CCDC136: variants seen among roughly 807,000 people sequenced by gnomAD.
CCDC136 encodes coiled-coil domain containing 136.
CCDC136 carries 100 observed loss-of-function variants against 141.2 expected under a neutral mutation model. The observed-to-expected ratio is 0.71, with a 90% CI of 0.60 to 0.84. The LOEUF (loss-of-function observed/expected upper bound fraction) is 0.84, where lower values mean the gene tolerates loss of function less well. Among genes scored for constraint, CCDC136 ranks in the 40% least tolerant of loss-of-function variants. The pLI is 0.00. For missense variants in CCDC136, 1,206 were observed against 1,379.4 expected (o/e 0.87, Z 1.99); for synonymous variants, 474 against 531.9 (o/e 0.89, Z 1.50).
chr7:128,812,798 C>T lies in CCDC136; in HGVS notation c.2632C>T (p.Gln878Ter). Residue 878 changes from glutamine (Q) to a stop codon, truncating the protein, a stop_gained, in exon 14 of 18, where the codon CAA (glutamine) becomes TAA (stop). Coordinates refer to ENST00000297788, the MANE Select transcript of CCDC136 (RefSeq NM_022742.5). LOFTEE classifies it high-confidence loss of function. The stretch of plus-strand genomic sequence containing the variant: ...AAGCCAGGAGGAACACAGCCAGCTG[C>T]AAGAGCAGATGGAAAAGTTACTGGC... ...QISQEEHSQL[Q>*]EQMEKLLAKQ... 6.2e-7 allele frequency: 1 copy of T among 1,613,376 alleles called. No homozygotes were observed. The highest frequency in any genetic ancestry group is 8.5e-7 in the Non-Finnish European group (1 of 1,179,740).
At chr7:128,791,101 C>G (rs1042518889), upstream of CCDC136, 1 of 181,792 alleles carries the variant, frequency 5.5e-6, no homozygotes, top group Non-Finnish European at 1.1e-5. The surrounding 1 kb of genome is among the most constrained non-coding windows in gnomAD (Gnocchi z 7.1). Context: ...GCCCTGACAC[C>G]TGGTGCAGAA....
At chr7:128,809,380 G>C in intron 10 of CCDC136, 70 bp from the exon 11 acceptor site, 1 of 1,054,212 alleles carries the variant, frequency 9.5e-7, no homozygotes, top group Non-Finnish European at 1.4e-6. Context: ...GCGCAGAAGT[G>C]CTCTGTTAGC....
chr7:128,793,364 G>A (rs988368924), intron 1 of CCDC136, among the ~76,000 whole-genome samples: 1 of 152,164 alleles, frequency 6.6e-6, no homozygotes, highest in African/African-American at 2.4e-5. Flanking sequence ...AGTAGGAGGG[G>A]CCTCATATGG....
chr7:128,795,958 G>A (rs1277883771), intron 3 of CCDC136, among the ~76,000 whole-genome samples: 2 of 152,246 alleles, frequency 1.3e-5, no homozygotes, highest in East Asian at 3.9e-4. Context: ...ATGATACAGA[G>A]AGGAGGTGGG....
chr7:128,810,277 C>T lies in CCDC136; in HGVS notation c.1939C>T (p.Arg647Ter), dbSNP rs200892824. Residue 647 changes from arginine (R) to a stop codon, truncating the protein, a stop_gained, in exon 12 of 18, where the codon CGA becomes TGA. Transcript: ENST00000297788. LOFTEE classifies it high-confidence loss of function. ...KEQLEIHEELRRFKESHFQEV... is the reference protein window; with the variant it reads ...KEQLEIHEEL ...ACAATTAGAGATCCACGAAGAGCTG[C>T]GACGTTTCAAAGAGTCTCATTTCCA... 1.3e-5 allele frequency: 21 copies of T among 1,613,798 alleles called. No homozygotes were observed. The highest frequency in any genetic ancestry group is 2.2e-5 in the East Asian group (1 of 44,906).
In CCDC136 at chr7:128,801,331, T is replaced by C; in HGVS notation, c.492T>C (p.His164=). Residue 164 remains histidine, a synonymous_variant, in exon 4 of 18, where the codon CAT becomes CAC. Coordinates refer to ENST00000297788, the MANE Select transcript of CCDC136 (RefSeq NM_022742.5). ...RQAAEDSATE[H]ESDIASLQED... Reference sequence around the variant, plus strand: ...CAGCAGAGGATTCCGCAACTGAACATGAGAGTGACATAGCATCCCTGCAGG... The same window carrying C: ...CAGCAGAGGATTCCGCAACTGAACACGAGAGTGACATAGCATCCCTGCAGG... 1 of 1,613,770 alleles carries C rather than the reference T, an allele frequency of 6.2e-7. No homozygotes were observed. The highest frequency in any genetic ancestry group is 8.5e-7 in the Non-Finnish European group (1 of 1,179,842).
intron 17 of CCDC136, among the ~76,000 whole-genome samples, chr7:128,818,529 C>T (rs765052096): frequency 2.6e-5 from 4 of 152,158 alleles, no homozygotes; most frequent in Non-Finnish European, 5.9e-5. Flanking sequence ...AACAGAATGC[C>T]GGGAAATTTT....
rs1177785269 is a variant in CCDC136 at position 128,792,052 on chromosome 7, C to A, written c.-360C>A. The A allele has an allele frequency of 2.3e-6, 3 of 1,286,356 alleles. No individual in the cohort carries two copies. The highest frequency in any genetic ancestry group is 3.0e-6 in the Non-Finnish European group (3 of 1,015,854). The allele number at this position is 1,286,356 out of a possible 1,614,324, so 79.7% of individuals were successfully genotyped here. ...CAGTCTTGGCCCTCTCCTCCCTGTCCCCCCGGACTAAATACGCACACCCCC... is the reference window on the plus strand; with the variant it reads ...CAGTCTTGGCCCTCTCCTCCCTGTCACCCCGGACTAAATACGCACACCCCC... On this transcript the variant is annotated 5_prime_UTR_variant, in exon 1 of 18. Coordinates refer to ENST00000297788, the MANE Select transcript of CCDC136 (RefSeq NM_022742.5).
At chr7:128,797,206 C>T (rs1803171024) in intron 3 of CCDC136, among the ~76,000 whole-genome samples, 2 of 152,190 alleles carry the variant, frequency 1.3e-5, no homozygotes, top group East Asian at 1.9e-4. Flanking sequence ...GCTAGGGGAG[C>T]CATTTAAAAC....
rs1455020003 is a variant in CCDC136, at chr7:128,817,883, C to T, written c.*5+19C>T. 2 of 1,591,504 alleles carry T rather than the reference C, an allele frequency of 1.3e-6. No individual in the cohort carries two copies. Among genetic ancestry groups the T allele is most frequent in the South Asian group, 1.1e-5 (1 of 90,586 alleles). ...AATGCAGGTACTGGTATTGCTTCCT[C>T]TCCTTCTGAGGGATAGAGGGAGGGT... On this transcript the variant is annotated intron_variant, in intron 17 of 17. Transcript: ENST00000297788. The surrounding 1 kb of genome is among the most constrained non-coding windows in gnomAD (Gnocchi z 4.6).
At chr7:128,795,949 T>C (rs971262199) in intron 3 of CCDC136, among the ~76,000 whole-genome samples, 2 of 152,096 alleles carry the variant, frequency 1.3e-5, no homozygotes, top group African/African-American at 2.4e-5. Context: ...TATAATAATA[T>C]GATACAGAGA....
chr7:128,808,336 C>T, intron 10 of CCDC136: 1 of 393,944 alleles, frequency 2.5e-6, no homozygotes, highest in Non-Finnish European at 3.5e-6. Flanking sequence ...CATGCCCTGC[C>T]AGTAATTAAA....
chr7:128,815,020 G>T (rs1806377557), intron 15 of CCDC136, 101 bp downstream of exon 15: 2 of 1,058,728 alleles, frequency 1.9e-6, no homozygotes, highest in African/African-American at 3.2e-5. Flanking sequence ...GGGATTTGTA[G>T]AGAAGCTTCT....
chr7:128,809,594 G>T lies in CCDC136; in HGVS notation c.1750G>T (p.Glu584Ter), dbSNP rs768403489. The T allele has an allele frequency of 6.4e-7, 1 of 1,565,236 alleles. No individual in the cohort carries two copies. Among genetic ancestry groups the T allele is most frequent in the South Asian group, 1.2e-5 (1 of 84,650 alleles). Residue 584 changes from glutamate to a stop codon, truncating the protein, a stop_gained, in exon 11 of 18, where the codon GAG becomes TAG. Coordinates refer to ENST00000297788, the MANE Select transcript of CCDC136 (RefSeq NM_022742.5). LOFTEE classifies it high-confidence loss of function. ...GGAGGAGCAGGGCCAGCTGCAGGAA[G>T]AGCTGCACAGGCTCACACTGCCACT... ...MQEEQGQLQE[E>*]LHRLTLPLPK... is the part of the protein sequence containing the mutation.
intron 4 of CCDC136, among the ~76,000 whole-genome samples, chr7:128,802,469 C>T (rs1804193716): frequency 6.6e-6 from 1 of 152,092 alleles, no homozygotes; most frequent in Non-Finnish European, 1.5e-5. Flanking sequence ...GTCAAACAGA[C>T]CTGAGTTCAG....
At position 128,817,310 on chromosome 7, in the gene CCDC136, A is replaced by C. The variant is rs1488417849; in HGVS notation, c.3364-448A>C. On this transcript the variant is annotated intron_variant, in intron 16 of 17. Transcript: ENST00000297788. This position sits in a 1 kb window ranked among gnomAD's most constrained non-coding sequence, Gnocchi z 4.6. ...AATGATATCATTAGATTCCTAGGGG[A>C]TCTAAGGGACCAGAGCCCAAAATAC... is the stretch of plus-strand genomic sequence containing the variant. 6.6e-6 allele frequency among the ~76,000 whole-genome samples: 1 copy of C among 152,068 alleles called. No homozygotes were observed. Among genetic ancestry groups the C allele is most frequent in the Non-Finnish European group, 1.5e-5 (1 of 68,018 alleles).
At chr7:128,793,672 C>T (rs1267276888) in intron 1 of CCDC136, among the ~76,000 whole-genome samples, 3 of 152,186 alleles carry the variant, frequency 2.0e-5, no homozygotes, top group South Asian at 2.1e-4. Flanking sequence ...GCCAGTGGCT[C>T]GATCTCGCCT....
At position 128,806,630 on chromosome 7, in the gene CCDC136, A is replaced by G. The variant is rs183678761; in HGVS notation, c.1249-58A>G. ...GTTGGTGTCTTCAAGTGACTCACACAGAAGAGTGAGTGGGTTAAGGAGCCC... is the reference window on the plus strand; with the variant it reads ...GTTGGTGTCTTCAAGTGACTCACACGGAAGAGTGAGTGGGTTAAGGAGCCC... On this transcript the variant is annotated intron_variant, in intron 8 of 17. Transcript: ENST00000297788. The G allele has an allele frequency of 7.4e-6, 11 of 1,481,474 alleles. No individual in the cohort carries two copies. The East Asian group carries it at 1.9e-4, about 25-fold the overall frequency. 91.8% of individuals were successfully genotyped at this position (1,481,474 alleles called of 1,614,324 possible).
At chr7:128,810,583 C>T (rs1805566124) in intron 12 of CCDC136, among the ~76,000 whole-genome samples, 1 of 152,192 alleles carries the variant, frequency 6.6e-6, no homozygotes, top group African/African-American at 2.4e-5. Context: ...TGCCATTATC[C>T]TTTATCACAC....
Sources: gnomAD v4.1 joint callset for allele counts (sites outside exome capture counted in the v4.1 genomes callset) on GRCh38, gnomAD v4.1.1 for gene constraint, Gnocchi (gnomAD v3.1) non-coding constraint, MANE v1.5 for transcripts, NCBI Gene and HGNC (gene_info 2026-07-23, HGNC 2026-07-21) for gene names.